Variants in PYROXD1 observed in about 807,000 individuals in gnomAD.
PYROXD1 encodes tRNA ligase complex-associated NAD(P)H dehydrogenase PYROXD1.
Under a neutral mutation model 62.0 loss-of-function variants are expected in PYROXD1, and 42 were observed. The observed-to-expected ratio is 0.68, with a 90% confidence interval of 0.53 to 0.88. The LOEUF (loss-of-function observed/expected upper bound fraction) is 0.88, where lower values mean the gene tolerates loss of function less well. Among genes scored for constraint, PYROXD1 ranks in the 40% least tolerant of loss-of-function variants. The pLI is 0.00. For synonymous variants in PYROXD1, 170 were observed against 206.4 expected (o/e 0.82, Z 1.51); for missense variants, 493 against 604.8 (o/e 0.82, Z 1.94).
chr12:21,449,828 G>A lies in PYROXD1; in HGVS notation c.414+137G>A, dbSNP rs536665576. The stretch of plus-strand genomic sequence containing the variant: ...TTTCATGACCAGTAAACCACAGAGT[G>A]GTTATGTTTTATTCCTGCCAATTTT... On this transcript the variant is annotated intron_variant, in intron 4 of 11. Transcript: ENST00000240651. The A allele has an allele frequency of 2.4e-5, 15 of 622,842 alleles. No individual in the cohort carries two copies. In the Admixed American group the frequency reaches 4.7e-4, roughly 20 times the overall value. The allele number at this position is 622,842 out of a possible 1,614,324, so 38.6% of individuals were successfully genotyped here.
chr12:21,448,276 G>C, intron 3 of PYROXD1: 1 of 372,084 alleles, frequency 2.7e-6, no homozygotes, highest in Admixed American at 4.2e-5. Flanking sequence ...TAGTTTCCTA[G>C]TGAGGCGAGG....
chr12:21,464,724 GTTT>G (rs59314106), intron 10 of PYROXD1, among the ~76,000 whole-genome samples: 1 of 120,660 alleles, frequency 8.3e-6, no homozygotes, highest in African/African-American at 3.0e-5. Flanking sequence ...CAAGGTCAGT[GTTT>G]TTTTTTTTTA....
At chr12:21,439,208 G>A (rs1942250686) in intron 1 of PYROXD1, among the ~76,000 whole-genome samples, 1 of 152,176 alleles carries the variant, frequency 6.6e-6, no homozygotes, top group Non-Finnish European at 1.5e-5. Context: ...GTAGTCAAAT[G>A]TTTTTGAGCA....
Position 21,462,125 on chromosome 12 carries a change from G to A in PYROXD1, c.993+5G>A. 1 of 1,576,420 alleles carries A rather than the reference G, an allele frequency of 6.3e-7. No homozygotes were observed. Among genetic ancestry groups the A allele is most frequent in the Non-Finnish European group, 8.7e-7 (1 of 1,149,652 alleles). On this transcript the variant is annotated splice_donor_5th_base_variant and intron_variant, in intron 9 of 11. Coordinates refer to ENST00000240651, the MANE Select transcript of PYROXD1 (RefSeq NM_024854.5). ...CCTTTTCTCCATGGTAACAGTGTAA[G>A]GTGAAATTTTTTTGTCCAGCTGTGA...
intron 7 of PYROXD1, among the ~76,000 whole-genome samples, chr12:21,458,422 G>T (rs1397323067): frequency 1.3e-5 from 2 of 152,140 alleles, no homozygotes; most frequent in Non-Finnish European, 2.9e-5. Flanking sequence ...AGACTGTTTC[G>T]CTTTCTCATC....
At chr12:21,452,056 C>A in intron 4 of PYROXD1, 25 bp from the exon 5 acceptor site, 1 of 1,368,122 alleles carries the variant, frequency 7.3e-7, no homozygotes, top group Non-Finnish European at 1.0e-6. Context: ...CAAAATACTA[C>A]CTCATTATTT....
At chr12:21,452,605 C>T (rs1942522011) in intron 5 of PYROXD1, among the ~76,000 whole-genome samples, 1 of 152,064 alleles carries the variant, frequency 6.6e-6, no homozygotes, top group South Asian at 2.1e-4. Flanking sequence ...TTTGTGACTC[C>T]TGTTTTAGGA....
intron 4 of PYROXD1, among the ~76,000 whole-genome samples, chr12:21,451,105 A>AAT (rs758118496): frequency 1.0e-3 from 158 of 152,242 alleles, no homozygotes; most frequent in Non-Finnish European, 1.6e-3. Context: ...GCTTCAGTGA[A>AAT]TATTATAAGT....
At chr12:21,458,460 T>C (rs1031284193) in intron 7 of PYROXD1, among the ~76,000 whole-genome samples, 3 of 152,244 alleles carry the variant, frequency 2.0e-5, no homozygotes, top group African/African-American at 4.8e-5. Flanking sequence ...AATACCACTT[T>C]AGATTTACTT....
chr12:21,455,082 T>C, intron 5 of PYROXD1, 50 bp from the exon 6 acceptor site: 1 of 1,177,584 alleles, frequency 8.5e-7, no homozygotes, highest in Non-Finnish European at 1.1e-6. Context: ...GCAAAGATTT[T>C]TTACTTAGAC....
At chr12:21,443,149 C>G (rs1942327342) in intron 2 of PYROXD1, among the ~76,000 whole-genome samples, 1 of 152,038 alleles carries the variant, frequency 6.6e-6, no homozygotes, top group Admixed American at 6.6e-5. Context: ...TTTAAAAAAG[C>G]TCGAGTTGAG....
intron 11 of PYROXD1, among the ~76,000 whole-genome samples, chr12:21,467,989 C>T (rs1942834196): frequency 6.7e-6 from 1 of 148,658 alleles, no homozygotes; most frequent in Admixed American, 6.8e-5. Context: ...TTATTCAGTC[C>T]TCTTCACATT....
intron 2 of PYROXD1, 37 bp from the exon 3 acceptor site, chr12:21,445,302 AAATACTTT>A (rs1942365463): frequency 6.8e-7 from 1 of 1,472,492 alleles, no homozygotes; most frequent in South Asian, 1.4e-5. Context: ...TCTTGAAAGA[AAATACTTT>A]AAAAATATAC....
intron 2 of PYROXD1, 59 bp from the exon 3 acceptor site, chr12:21,445,288 A>C (rs935692884): frequency 2.1e-6 from 3 of 1,437,696 alleles, no homozygotes; most frequent in Middle Eastern, 2.6e-4. Context: ...TTATTATTTA[A>C]GATTCTTGAA....
chr12:21,440,623 A>G (rs866816436), intron 2 of PYROXD1, among the ~76,000 whole-genome samples, 175 bp downstream of exon 2: 8 of 151,960 alleles, frequency 5.3e-5, no homozygotes, highest in South Asian at 2.1e-4. Flanking sequence ...AAGTCAAGCT[A>G]TTTAAAATCT....
chr12:21,468,541 A>G lies in PYROXD1; in HGVS notation c.1290A>G (p.Leu430=), dbSNP rs375076016. Residue 430 remains leucine (L), a synonymous_variant, in exon 12 of 12, where the codon TTA becomes TTG. Coordinates refer to ENST00000240651, the MANE Select transcript of PYROXD1 (RefSeq NM_024854.5). ...TGGGAAAATACAATGCACAGGGCTT[A>G]GGTTCAGATCATGAATTAATGCTGA... is the stretch of plus-strand genomic sequence containing the variant. ...VLLGKYNAQG[L]GSDHELMLRC... 2.0e-5 allele frequency: 32 copies of G among 1,612,764 alleles called. No individual in the cohort carries two copies. The highest frequency in any genetic ancestry group is 2.7e-5 in the African/African-American group (2 of 75,000).
Position 21,461,171 on chromosome 12 carries a change from G to GA in PYROXD1, c.880+23dup, listed in dbSNP as rs2137280305. ...CTGATACAGGCAAGTAATGAAATAA[G>GA]AAAAAATATATATAACCACTTAATT... On this transcript the variant is annotated intron_variant, in intron 8 of 11. Transcript: ENST00000240651. 2.1e-6 allele frequency: 3 copies of GA among 1,456,664 alleles called. No homozygotes were observed. Among genetic ancestry groups the GA allele is most frequent in the South Asian group, 1.5e-5 (1 of 65,970 alleles). 90.2% of individuals were successfully genotyped at this position (1,456,664 alleles called of 1,614,324 possible).
At chr12:21,462,175 G>T (rs940995721) in intron 9 of PYROXD1, 55 bp downstream of exon 9, 1 of 940,714 alleles carries the variant, frequency 1.1e-6, no homozygotes, top group Non-Finnish European at 1.7e-6. Context: ...TTTTTGTGAA[G>T]ATCTCTAATT....
In PYROXD1 at chr12:21,461,113, T is replaced by A. The variant is rs1307397451; in HGVS notation, c.839T>A (p.Phe280Tyr). The A allele has an allele frequency of 6.3e-7, 1 of 1,589,894 alleles. No individual in the cohort carries two copies. Among genetic ancestry groups the A allele is most frequent in the South Asian group, 1.2e-5 (1 of 85,494 alleles). Residue 280 changes from phenylalanine (F) to tyrosine (Y), a missense_variant, in exon 8 of 12, where the codon TTC becomes TAC. By Grantham distance (22) the Phe-to-Tyr change is conservative (BLOSUM62 3). This residue lies in a region of PYROXD1 where 329 missense variants were observed against 446.6 expected (regional missense o/e 0.74). Transcript: ENST00000240651. The part of the protein sequence containing the change: ...DEFRILKKKS[F>Y]TFPRDHKSVT... ...TTTAGAATTTTGAAGAAAAAGTCCT[T>A]CACTTTTCCAAGAGACCATAAGTCA...
Sources: gnomAD v4.1 joint callset for allele counts (sites outside exome capture counted in the v4.1 genomes callset) on GRCh38, gnomAD v4.1.1 for gene constraint, gnomAD v4.1.1 regional missense constraint, MANE v1.5 for transcripts, NCBI Gene and HGNC (gene_info 2026-07-23, HGNC 2026-07-21) for gene names.